Variants in CMKLR1 observed in about 807,000 individuals in gnomAD.
The protein encoded by CMKLR1 is chemerin chemokine-like receptor 1.
A neutral mutation model predicts 8.2 loss-of-function variants in CMKLR1; 6 were observed. That is an observed-to-expected ratio of 0.73 (90% CI 0.40 to 1.44). The LOEUF (loss-of-function observed/expected upper bound fraction) is 1.44, where lower values mean the gene tolerates loss of function less well. CMKLR1 is among the 40% of genes most tolerant of loss of function. The probability of loss-of-function intolerance (pLI) is 0.02; values close to 1 mark genes in which losing one functional copy is unlikely to be tolerated. For missense variants in CMKLR1, 429 were observed against 478.0 expected, an observed-to-expected ratio of 0.90 and a Z score of 0.96; for synonymous variants, 178 against 181.2, an observed-to-expected ratio of 0.98 and a Z score of 0.14.
intron 2 of CMKLR1, among the ~76,000 whole-genome samples, chr12:108,318,373 A>G (rs1370268216): frequency 6.6e-6 from 1 of 152,196 alleles, no homozygotes; most frequent in Non-Finnish European, 1.5e-5. Flanking sequence ...TTCAGTCCCC[A>G]TAGAACCTGG....
At chr12:108,303,618 ACT>A (rs1453512519) in intron 2 of CMKLR1, among the ~76,000 whole-genome samples, 1 of 152,166 alleles carries the variant, frequency 6.6e-6, no homozygotes, top group East Asian at 1.9e-4. Flanking sequence ...TGACAAGCTC[ACT>A]CTCTGTCCAC....
Position 108,292,803 on chromosome 12 carries a change from C to T in CMKLR1, c.160G>A (p.Gly54Arg), listed in dbSNP as rs764818755. ...VVVYSIVCFL[G>R]ILGNGLVIII... ...ATCACCAGACCATTGCCCAGAATCC[C>T]GAGGAAGCAGACGATGCTGTAGACC... The change falls in exon 4 of 4, where the codon GGG becomes AGG. Residue 54 changes from glycine (G) to arginine (R), a missense_variant. Physicochemically the swap from Gly to Arg is moderately radical, Grantham distance 125 (BLOSUM62 -2). Coordinates refer to ENST00000550402, the MANE Select transcript of CMKLR1 (RefSeq NM_001142343.2). The T allele has an allele frequency of 2.5e-6, 4 of 1,614,128 alleles. No individual in the cohort carries two copies. The highest frequency in any genetic ancestry group is 1.1e-5 in the South Asian group (1 of 91,072).
chr12:108,328,255 A>C (rs1892028688), intron 2 of CMKLR1, among the ~76,000 whole-genome samples: 1 of 152,182 alleles, frequency 6.6e-6, no homozygotes, highest in African/African-American at 2.4e-5. Flanking sequence ...GAACGAAACT[A>C]TGACTTTGGC....
chr12:108,309,398 G>A (rs1215997895), intron 2 of CMKLR1, among the ~76,000 whole-genome samples: 4 of 152,160 alleles, frequency 2.6e-5, no homozygotes, highest in East Asian at 3.9e-4. Context: ...GGCTGGTGCT[G>A]TGGAAGAGCA....
intron 2 of CMKLR1, among the ~76,000 whole-genome samples, chr12:108,314,851 A>C (rs966475589): frequency 2.0e-5 from 3 of 151,872 alleles, no homozygotes; most frequent in Non-Finnish European, 4.4e-5. Context: ...TTTGCTTCCC[A>C]AAGTGCTGGG....
intron 2 of CMKLR1, among the ~76,000 whole-genome samples, chr12:108,326,372 C>T (rs114158636): frequency 0.026 from 3,896 of 152,280 alleles, 190 homozygotes; most frequent in African/African-American, 0.089. Flanking sequence ...CATCCTGCTC[C>T]CAAAACTTCC....
At chr12:108,310,722 G>T (rs780031418) in intron 2 of CMKLR1, among the ~76,000 whole-genome samples, 32 of 152,256 alleles carry the variant, frequency 2.1e-4, no homozygotes, top group Non-Finnish European at 2.9e-5. Flanking sequence ...GTCCAGTCCT[G>T]GGGGCTGGGA....
intron 3 of CMKLR1, 125 bp downstream of exon 3, chr12:108,293,464 G>T (rs543253379): frequency 2.2e-6 from 2 of 917,184 alleles, no homozygotes; most frequent in Non-Finnish European, 3.5e-6. Context: ...GGTACATGGT[G>T]CTGTGAACTT....
chr12:108,335,826 T>C (rs1170951652), intron 1 of CMKLR1, among the ~76,000 whole-genome samples: 1 of 152,200 alleles, frequency 6.6e-6, no homozygotes, highest in Non-Finnish European at 1.5e-5. Flanking sequence ...AACACCACCT[T>C]TATCTGTTTT....
intron 2 of CMKLR1, among the ~76,000 whole-genome samples, chr12:108,295,578 T>C (rs1258023764): frequency 6.6e-6 from 1 of 152,214 alleles, no homozygotes; most frequent in Non-Finnish European, 1.5e-5. Flanking sequence ...GAGGAGGGGC[T>C]GTTACCCAGC....
At chr12:108,317,153 C>G (rs1258498484) in intron 2 of CMKLR1, among the ~76,000 whole-genome samples, 53 of 152,130 alleles carry the variant, frequency 3.5e-4, no homozygotes, top group Non-Finnish European at 1.5e-5. Flanking sequence ...TAACACACAG[C>G]CTGTTTGGTG....
Position 108,288,774 on chromosome 12 carries a change from CTCTCT to C in CMKLR1, c.*3062_*3066del, listed in dbSNP as rs1374461121. 4.6e-5 allele frequency: 7 copies of C among 152,308 alleles called. No homozygotes were observed. The highest frequency in any genetic ancestry group is 8.8e-5 in the Non-Finnish European group (6 of 68,154). The allele number at this position is 152,308 out of a possible 1,614,324, so 9.4% of individuals were successfully genotyped here. A position where few individuals can be genotyped will look rare whatever the true frequency, so the allele number is the denominator to read the frequency against. ...TTTGGACTTCCATTCCTCTCCCCTTCTCTCTTCTTTCTTTCTTCCTTGTCTTTTCC... is the reference window on the plus strand; with the variant it reads ...TTTGGACTTCCATTCCTCTCCCCTTCTCTTTCTTTCTTCCTTGTCTTTTCC... On this transcript the variant is annotated 3_prime_UTR_variant, in exon 4 of 4. Transcript: ENST00000550402.
At chr12:108,303,165 C>T (rs147424224) in intron 2 of CMKLR1, among the ~76,000 whole-genome samples, 20 of 152,280 alleles carry the variant, frequency 1.3e-4, no homozygotes, top group African/African-American at 2.4e-4. Context: ...GAACTTGGAC[C>T]GGCCAAAGGA....
At position 108,292,654 on chromosome 12, in the gene CMKLR1, G is replaced by A; in HGVS notation, c.309C>T (p.Tyr103=). ...PIHITYAAMD[Y]HWVFGTAMCK... ...ACATGGCTGTCCCGAAAACCCAGTGGTAGTCCATGGCGGCATAGGTGATAT... is the reference window on the plus strand; with the variant it reads ...ACATGGCTGTCCCGAAAACCCAGTGATAGTCCATGGCGGCATAGGTGATAT... The change falls in exon 4 of 4, where the codon TAC becomes TAT. Residue 103 remains tyrosine, a synonymous_variant. Coordinates refer to ENST00000550402, the MANE Select transcript of CMKLR1 (RefSeq NM_001142343.2). 6.2e-7 allele frequency: 1 copy of A among 1,614,190 alleles called. No individual in the cohort carries two copies. The highest frequency in any genetic ancestry group is 8.5e-7 in the Non-Finnish European group (1 of 1,180,052).
chr12:108,311,902 A>G (rs932198147), intron 2 of CMKLR1, among the ~76,000 whole-genome samples: 7 of 152,164 alleles, frequency 4.6e-5, no homozygotes, highest in Admixed American at 4.6e-4. Context: ...CCCTGTGCTT[A>G]AGGAGCCCAG....
chr12:108,302,045 GC>G (rs1447019523), intron 2 of CMKLR1, among the ~76,000 whole-genome samples: 1 of 152,156 alleles, frequency 6.6e-6, no homozygotes, highest in African/African-American at 2.4e-5. Flanking sequence ...TACTCAAGGA[GC>G]CCCTTCCTGC....
chr12:108,327,088 T>C (rs1362363690), intron 2 of CMKLR1, among the ~76,000 whole-genome samples: 2 of 152,072 alleles, frequency 1.3e-5, no homozygotes, highest in African/African-American at 4.8e-5. Context: ...ACTCCAAACA[T>C]GGAACTGTAA....
At position 108,299,173 on chromosome 12, in the gene CMKLR1, T is replaced by C. The variant is rs372778761; in HGVS notation, c.-73-5509A>G. On this transcript the variant is annotated intron_variant, in intron 2 of 3. Transcript: ENST00000550402. ...TTTGGGCTCTGGGATGCCCTGCATA[T>C]GCCTGCACCAGGTGCTCCTCCCAGC... is the stretch of plus-strand genomic sequence containing the variant. Among the ~76,000 whole-genome samples the C allele has an allele frequency of 6.6e-5, 10 of 152,314 alleles. No individual in the cohort carries two copies. The East Asian group carries it at 1.5e-3, about 24-fold the overall frequency.
chr12:108,291,621 A>T lies in CMKLR1; in HGVS notation c.*220T>A. The T allele has an allele frequency of 1.9e-6, 1 of 538,420 alleles. No individual in the cohort carries two copies. Among genetic ancestry groups the T allele is most frequent in the Non-Finnish European group, 3.2e-6 (1 of 308,408 alleles). 33.4% of individuals were successfully genotyped at this position (538,420 alleles called of 1,614,324 possible). On this transcript the variant is annotated 3_prime_UTR_variant, in exon 4 of 4. Transcript: ENST00000550402. ...AGTCAAGGCTGGCCTCCCAAGAAGC[A>T]TAAATTGCTAGTCCAAGGCTGTATG...
Sources: gnomAD v4.1 joint callset for allele counts (sites outside exome capture counted in the v4.1 genomes callset) on GRCh38, gnomAD v4.1.1 for gene constraint, MANE v1.5 for transcripts, NCBI Gene and HGNC (gene_info 2026-07-23, HGNC 2026-07-21) for gene names.